The following SRL variants were observed in gnomAD, a reference collection of about 807,000 sequenced individuals.
The protein encoded by SRL is sarcalumenin.
Under a neutral mutation model 39.5 loss-of-function variants are expected in SRL, and 23 were observed. The observed-to-expected ratio is 0.58, with a 90% confidence interval of 0.42 to 0.82. The LOEUF (loss-of-function observed/expected upper bound fraction) is 0.82. Ranked by LOEUF, SRL falls within the 40% of genes least tolerant of loss-of-function variation. The pLI, the probability that SRL is intolerant of heterozygous loss-of-function variation, is 0.00. For missense variants in SRL, 592 were observed against 607.8 expected (o/e 0.97, Z 0.27); for synonymous variants, 272 against 237.4 (o/e 1.15, Z -1.34).
chr16:4,231,028 G>A (rs1483103568), intron 1 of SRL, among the ~76,000 whole-genome samples: 1 of 152,152 alleles, frequency 6.6e-6, no homozygotes, highest in East Asian at 1.9e-4. Context: ...ATAAATTTCT[G>A]TGGTTTTGGC....
intron 1 of SRL, among the ~76,000 whole-genome samples, chr16:4,232,779 T>C (rs904112275): frequency 9.2e-5 from 14 of 152,230 alleles, no homozygotes; most frequent in Non-Finnish European, 2.1e-4. Context: ...CCCAAAGTGC[T>C]GGGATTGCAG....
intron 1 of SRL, among the ~76,000 whole-genome samples, chr16:4,214,930 G>A (rs960734257): frequency 6.6e-6 from 1 of 151,968 alleles, no homozygotes; most frequent in Admixed American, 6.6e-5. Context: ...ACCACTCCTG[G>A]CTAATTTTTG....
chr16:4,195,720 C>A lies in SRL; in HGVS notation c.443G>T (p.Gly148Val). 6.2e-7 allele frequency: 1 copy of A among 1,614,028 alleles called. No homozygotes were observed. Among genetic ancestry groups the A allele is most frequent in the South Asian group, 1.1e-5 (1 of 91,076 alleles). Reference protein sequence around the residue: ...MHGPKLKTIEGIVMAADSARS... With the variant: ...MHGPKLKTIEVIVMAADSARS... The stretch of plus-strand genomic sequence containing the variant: ...GGCGCTGTCAGCAGCCATGACGATG[C>A]CCTCGATGGTTTTCAGCTTAGGCCC... Residue 148 changes from glycine (G) to valine (V), a missense_variant, in exon 5 of 6, where the codon GGC (glycine) becomes GTC (valine). By Grantham distance (109) the Gly-to-Val change is moderately radical (BLOSUM62 -3). Coordinates refer to ENST00000399609, the MANE Select transcript of SRL (RefSeq NM_001098814.2).
At chr16:4,221,037 C>T (rs1377702582) in intron 1 of SRL, among the ~76,000 whole-genome samples, 1 of 150,780 alleles carries the variant, frequency 6.6e-6, no homozygotes, top group Non-Finnish European at 1.5e-5. Context: ...CGCCTGGGAC[C>T]ATGGGCTATT....
At chr16:4,213,404 CT>C (rs1176583909) in intron 1 of SRL, among the ~76,000 whole-genome samples, 799 of 69,594 alleles carry the variant, frequency 0.011, 2 homozygotes, top group African/African-American at 0.041. Flanking sequence ...TTTTCTTTTT[CT>C]TTTTTTTTTT....
rs541601945 is a variant in SRL at position 4,231,183 on chromosome 16, G to C, written c.61+10824C>G. Among the ~76,000 whole-genome samples, 560 of 152,254 alleles carry C rather than the reference G, an allele frequency of 3.7e-3. 4 individuals are homozygous for C. The highest frequency in any genetic ancestry group is 0.013 in the African/African-American group (532 of 41,534). Reference sequence around the variant, plus strand: ...ATACAAAAATTAGCTGAGCATGGTGGTGCATGCCTATAGTCTCAGCTACTT... The same window carrying C: ...ATACAAAAATTAGCTGAGCATGGTGCTGCATGCCTATAGTCTCAGCTACTT... On this transcript the variant is annotated intron_variant, in intron 1 of 5. Coordinates refer to ENST00000399609, the MANE Select transcript of SRL (RefSeq NM_001098814.2).
intron 1 of SRL, among the ~76,000 whole-genome samples, chr16:4,241,420 G>A (rs1053126488): frequency 6.6e-6 from 1 of 152,154 alleles, no homozygotes; most frequent in African/African-American, 2.4e-5. Context: ...ACTCCAGAAC[G>A]GGCCCCGTTC....
chr16:4,197,203 G>A (rs2052160897), intron 4 of SRL, among the ~76,000 whole-genome samples: 1 of 150,206 alleles, frequency 6.7e-6, no homozygotes, highest in African/African-American at 2.4e-5. Context: ...CAAGTAGCTG[G>A]GACTACAGGC....
chr16:4,226,326 A>G (rs981672790), intron 1 of SRL, among the ~76,000 whole-genome samples: 5 of 152,138 alleles, frequency 3.3e-5, no homozygotes, highest in Admixed American at 2.6e-4. Flanking sequence ...GAATGGAAGG[A>G]TGGATGGATG....
intron 1 of SRL, among the ~76,000 whole-genome samples, chr16:4,235,399 AT>A (rs2052704535): frequency 6.6e-6 from 1 of 152,330 alleles, no homozygotes; most frequent in African/African-American, 2.4e-5. Flanking sequence ...ACAAAGAAGA[AT>A]GAAAACCAAA....
At chr16:4,225,156 A>AT (rs1207626551) in intron 1 of SRL, among the ~76,000 whole-genome samples, 1 of 122,666 alleles carries the variant, frequency 8.2e-6, no homozygotes, top group Non-Finnish European at 1.8e-5. Context: ...TTTTGAGGTG[A>AT]TAAAAAATGT....
chr16:4,206,168 G>A (rs896189776), intron 1 of SRL, among the ~76,000 whole-genome samples: 5 of 152,120 alleles, frequency 3.3e-5, no homozygotes, highest in Non-Finnish European at 5.9e-5. Context: ...TCTGCTCCTG[G>A]CCCCGAGCCC....
chr16:4,195,006 C>T (rs2052117034), intron 5 of SRL, among the ~76,000 whole-genome samples: 1 of 152,030 alleles, frequency 6.6e-6, no homozygotes. Flanking sequence ...GCAATCCTCC[C>T]AACTCAGCCT....
chr16:4,206,621 C>T (rs1046967749), intron 1 of SRL: 1 of 449,066 alleles, frequency 2.2e-6, no homozygotes, highest in Non-Finnish European at 4.5e-6. Context: ...AAAGGGCCTG[C>T]CACCCTCTGC....
intron 1 of SRL, among the ~76,000 whole-genome samples, chr16:4,224,408 T>C (rs2052564420): frequency 6.6e-6 from 1 of 152,044 alleles, no homozygotes; most frequent in Non-Finnish European, 1.5e-5. Context: ...ATATTTCTAA[T>C]TATAAGATAA....
chr16:4,213,413 T>TTCTTTTTTTTTTC (rs2052418483), intron 1 of SRL, among the ~76,000 whole-genome samples: 8 of 127,140 alleles, frequency 6.3e-5, no homozygotes, highest in African/African-American at 2.5e-4. Context: ...TCTTTTTTTT[T>TTCTTTTTTTTTTC]TTTTTTTTTT....
At chr16:4,240,488 G>T (rs2052760947) in intron 1 of SRL, among the ~76,000 whole-genome samples, 1 of 152,164 alleles carries the variant, frequency 6.6e-6, no homozygotes, top group African/African-American at 2.4e-5. Context: ...CAGGAGCAGG[G>T]ACAGAGGGAA....
chr16:4,233,467 T>C (rs892413120), intron 1 of SRL, among the ~76,000 whole-genome samples: 1 of 152,184 alleles, frequency 6.6e-6, no homozygotes, highest in Non-Finnish European at 1.5e-5. Context: ...AATTGTCCCC[T>C]CCCTGCACGT....
intron 1 of SRL, among the ~76,000 whole-genome samples, chr16:4,218,552 C>T (rs1470053721): frequency 6.6e-6 from 1 of 152,142 alleles, no homozygotes; most frequent in Non-Finnish European, 1.5e-5. Flanking sequence ...GCGCTTTGCT[C>T]CTCTCGCACA....
Sources: allele counts gnomAD v4.1 joint callset (sites outside exome capture counted in the v4.1 genomes callset), GRCh38; gene constraint gnomAD v4.1.1; transcripts MANE v1.5; gene names NCBI Gene and HGNC (gene_info 2026-07-23, HGNC 2026-07-21).